Variants in CDH13 observed in about 807,000 individuals in gnomAD.
CDH13 encodes the protein cadherin 13, also known as cadherin-13.
In CDH13, 24 loss-of-function variants were observed where a neutral mutation model predicts 63.8. The ratio of observed to expected loss-of-function variants is 0.38; its 90% CI spans 0.27 to 0.53. The LOEUF is 0.53. Among genes scored for constraint, CDH13 ranks in the 20% least tolerant of loss-of-function variants. The pLI, the probability that CDH13 is intolerant of heterozygous loss-of-function variation, is 0.85. For synonymous variants in CDH13, 503 were observed against 355.3 expected, an observed-to-expected ratio of 1.42 and a Z score of -4.67; for missense variants, 1,049 against 903.1, an observed-to-expected ratio of 1.16 and a Z score of -2.07.
chr16:83,522,505 AAT>A lies in CDH13; in HGVS notation c.960+35852_960+35853del, dbSNP rs1243258025. Among the ~76,000 whole-genome samples, 109 of 152,352 alleles carry A rather than the reference AAT, an allele frequency of 7.2e-4. 1 individual carries two copies. The highest frequency in any genetic ancestry group is 7.1e-3 in the Admixed American group (108 of 15,304). On this transcript the variant is annotated intron_variant, in intron 7 of 13. Transcript: ENST00000567109. Reference sequence around the variant, plus strand: ...TCTCTATTACAGACTTGAAGCTGGTAATACTTCATTTTTAAAAATGTAACCAT... The same window carrying A: ...TCTCTATTACAGACTTGAAGCTGGTAACTTCATTTTTAAAAATGTAACCAT...
intron 6 of CDH13, among the ~76,000 whole-genome samples, chr16:83,394,461 G>A (rs1315397543): frequency 6.6e-6 from 1 of 152,142 alleles, no homozygotes; most frequent in Non-Finnish European, 1.5e-5. Flanking sequence ...GCAGGCACAC[G>A]TGTGGTGTAC....
intron 1 of CDH13, among the ~76,000 whole-genome samples, chr16:82,683,919 A>G (rs1772243239): frequency 6.6e-6 from 1 of 152,170 alleles, no homozygotes; most frequent in Non-Finnish European, 1.5e-5. Flanking sequence ...TTATTCTTTT[A>G]CAGAACTAAT....
chr16:83,045,837 G>C (rs1045406528), intron 3 of CDH13, among the ~76,000 whole-genome samples: 1 of 152,190 alleles, frequency 6.6e-6, no homozygotes, highest in African/African-American at 2.4e-5. Flanking sequence ...CAGCACATGG[G>C]ATGATCAAAT....
intron 3 of CDH13, among the ~76,000 whole-genome samples, chr16:83,062,130 A>C (rs181678995): frequency 6.6e-6 from 1 of 152,300 alleles, no homozygotes; most frequent in Admixed American, 6.5e-5. Context: ...TGCATCTGGA[A>C]AGACAGAGCC....
At chr16:83,072,150 G>A (rs1380410446) in intron 3 of CDH13, among the ~76,000 whole-genome samples, 1 of 152,084 alleles carries the variant, frequency 6.6e-6, no homozygotes, top group African/African-American at 2.4e-5. Flanking sequence ...CTGAAATTGT[G>A]CATGTATTTT....
intron 13 of CDH13, among the ~76,000 whole-genome samples, chr16:83,789,349 TTGTCTG>T: frequency 6.8e-6 from 1 of 147,988 alleles, no homozygotes; most frequent in African/African-American, 2.5e-5. Context: ...TTTTTTTTGT[TTGTCTG>T]TTTTGTTTTA....
intron 7 of CDH13, among the ~76,000 whole-genome samples, chr16:83,502,973 T>A (rs2074315616): frequency 6.6e-6 from 1 of 152,100 alleles, no homozygotes; most frequent in Non-Finnish European, 1.5e-5. Context: ...TCTCAGGGGG[T>A]GGCCTTCCAT....
chr16:82,993,875 G>C (rs142131739), intron 2 of CDH13, among the ~76,000 whole-genome samples: 40 of 152,262 alleles, frequency 2.6e-4, no homozygotes, highest in African/African-American at 9.4e-4. Context: ...CTGGTGCTTC[G>C]TTCTTTGGTG....
At chr16:83,031,270 G>T (rs565986133) in intron 2 of CDH13, among the ~76,000 whole-genome samples, 1 of 145,994 alleles carries the variant, frequency 6.8e-6, no homozygotes, top group African/African-American at 2.5e-5. Context: ...ATATACATGC[G>T]CATGTATACA....
intron 5 of CDH13, among the ~76,000 whole-genome samples, chr16:83,314,919 G>T (rs552964237): frequency 6.6e-6 from 1 of 152,128 alleles, no homozygotes; most frequent in Non-Finnish European, 1.5e-5. Context: ...TTGCCTTCCT[G>T]TCTTCAGCCT....
intron 7 of CDH13, among the ~76,000 whole-genome samples, chr16:83,505,677 G>A (rs968637607): frequency 2.6e-5 from 4 of 151,664 alleles, no homozygotes; most frequent in Non-Finnish European, 5.9e-5. Flanking sequence ...CGGAGTAGCT[G>A]GGATTACAGG....
chr16:83,019,590 G>C (rs1240486792), intron 2 of CDH13, among the ~76,000 whole-genome samples: 1 of 150,902 alleles, frequency 6.6e-6, no homozygotes, highest in Non-Finnish European at 1.5e-5. Context: ...CTGCCTCCTG[G>C]GTTCAAGTGA....
intron 1 of CDH13, among the ~76,000 whole-genome samples, chr16:82,815,191 G>A (rs1407319452): frequency 1.3e-5 from 2 of 152,006 alleles, no homozygotes; most frequent in Middle Eastern, 3.2e-3. Context: ...GTAGGGAGTC[G>A]GAACAGCCAC....
intron 1 of CDH13, among the ~76,000 whole-genome samples, chr16:82,692,829 G>A (rs1368574889): frequency 1.3e-5 from 2 of 151,958 alleles, no homozygotes; most frequent in Admixed American, 1.3e-4. Flanking sequence ...TAGTATATGT[G>A]GTAGGCAGCT....
rs377712413 is a variant in CDH13 at position 83,398,665 on chromosome 16, G to A, written c.781+53659G>A. On this transcript the variant is annotated intron_variant, in intron 6 of 13. Transcript: ENST00000567109. The stretch of plus-strand genomic sequence containing the variant: ...ATGGGGCCTGAGATTATGCTTTTTT[G>A]TACTTCTAACATGTTCACAGTTGAT... Among the ~76,000 whole-genome samples the A allele has an allele frequency of 2.5e-3, 384 of 152,204 alleles. 1 individual carries two copies. The highest frequency in any genetic ancestry group is 8.9e-3 in the African/African-American group (370 of 41,516).
intron 7 of CDH13, among the ~76,000 whole-genome samples, chr16:83,513,539 A>C (rs900614126): frequency 6.6e-6 from 1 of 152,194 alleles, no homozygotes; most frequent in Non-Finnish European, 1.5e-5. Flanking sequence ...GGAAGGCCTC[A>C]GGAGACTTAC....
At chr16:83,516,400 T>C (rs556794551) in intron 7 of CDH13, among the ~76,000 whole-genome samples, 20 of 152,302 alleles carry the variant, frequency 1.3e-4, no homozygotes, top group African/African-American at 4.8e-4. Flanking sequence ...ATAAAAATAG[T>C]GTCAACATTA....
intron 2 of CDH13, among the ~76,000 whole-genome samples, chr16:82,986,482 G>T (rs1206500330): frequency 2.0e-5 from 3 of 152,190 alleles, no homozygotes; most frequent in South Asian, 2.1e-4. Context: ...CAAAAACACT[G>T]CAAAATTTCA....
intron 2 of CDH13, among the ~76,000 whole-genome samples, chr16:82,933,026 T>C (rs889116577): frequency 6.6e-6 from 1 of 152,174 alleles, no homozygotes; most frequent in Admixed American, 6.5e-5. Flanking sequence ...TTTTTTTATA[T>C]TTTTATGACA....
Sources: allele counts gnomAD v4.1 joint callset (sites outside exome capture counted in the v4.1 genomes callset), GRCh38; gene constraint gnomAD v4.1.1; transcripts MANE v1.5; gene names NCBI Gene and HGNC (gene_info 2026-07-23, HGNC 2026-07-21).